COL4A4: variants seen among roughly 807,000 people sequenced by gnomAD.
The protein encoded by COL4A4 is collagen alpha-4(IV) chain.
A neutral mutation model predicts 192.9 loss-of-function variants in COL4A4; 105 were observed. The observed-to-expected ratio is 0.54, with a 90% CI of 0.46 to 0.64. The LOEUF is 0.64. Ranked by LOEUF, COL4A4 falls within the 30% of genes least tolerant of loss-of-function variation. The pLI, the probability that COL4A4 is intolerant of heterozygous loss-of-function variation, is 0.00. For missense variants in COL4A4, 1,967 were observed against 2,169.3 expected, an observed-to-expected ratio of 0.91 and a Z score of 1.85; for synonymous variants, 762 against 769.9, an observed-to-expected ratio of 0.99 and a Z score of 0.17.
chr2:227,033,884 C>T (rs1439377137), intron 37 of COL4A4, among the ~76,000 whole-genome samples: 6 of 119,718 alleles, frequency 5.0e-5, no homozygotes, highest in African/African-American at 7.4e-5. Context: ...GGGGTCACTG[C>T]ACCCTCCTAG....
At chr2:227,013,931 G>A (rs1239197668) in intron 44 of COL4A4, among the ~76,000 whole-genome samples, 6 of 151,978 alleles carry the variant, frequency 3.9e-5, no homozygotes, top group East Asian at 1.9e-4. Context: ...TAACACAGAC[G>A]CTGACCGAAA....
intron 41 of COL4A4, among the ~76,000 whole-genome samples, chr2:227,028,662 A>C (rs927172670): frequency 3.4e-5 from 5 of 147,790 alleles, no homozygotes; most frequent in African/African-American, 1.2e-4. Context: ...TATTATTATT[A>C]TTATTATTAT....
At chr2:226,986,948 C>A in the COL4A4 span, among the ~76,000 whole-genome samples, 1 of 152,142 alleles carries the variant, frequency 6.6e-6, no homozygotes, top group Admixed American at 6.5e-5. Flanking sequence ...CAGTGATCGA[C>A]TGGATAAAGA....
chr2:227,109,392 C>T, intron 9 of COL4A4, 106 bp from the exon 10 acceptor site: 3 of 932,526 alleles, frequency 3.2e-6, no homozygotes, highest in Non-Finnish European at 5.3e-6. Context: ...AAAGAAATCA[C>T]AGCCACCAGC....
At chr2:227,079,889 T>G (rs1478629636) in intron 24 of COL4A4, among the ~76,000 whole-genome samples, 1 of 152,154 alleles carries the variant, frequency 6.6e-6, no homozygotes, top group Non-Finnish European at 1.5e-5. Context: ...ATCCTCTTCT[T>G]TTATGACCTT....
chr2:227,009,600 A>G (rs1392977025), intron 46 of COL4A4, among the ~76,000 whole-genome samples: 3 of 151,966 alleles, frequency 2.0e-5, no homozygotes, highest in Non-Finnish European at 4.4e-5. Flanking sequence ...CAGGAGGCTG[A>G]GGCAGGAGAA....
chr2:227,000,135 A>C (rs1223612838), downstream of COL4A4, among the ~76,000 whole-genome samples: 1 of 152,248 alleles, frequency 6.6e-6, no homozygotes, highest in Non-Finnish European at 1.5e-5. Flanking sequence ...GCAGATAATT[A>C]TTAATGGAAT....
intron 7 of COL4A4, among the ~76,000 whole-genome samples, chr2:227,116,995 A>G (rs931759070): frequency 3.9e-5 from 6 of 152,260 alleles, no homozygotes; most frequent in Non-Finnish European, 8.8e-5. Flanking sequence ...AAATTACAGT[A>G]TATTAAAGAA....
At chr2:226,976,347 CCCAAGT>C in the COL4A4 span, among the ~76,000 whole-genome samples, 1 of 150,452 alleles carries the variant, frequency 6.6e-6, no homozygotes, top group Non-Finnish European at 1.5e-5. Flanking sequence ...TCAGTGACTT[CCCAAGT>C]CCAAGTCGAG....
chr2:226,988,263 C>T, the COL4A4 span: 39 of 1,447,812 alleles, frequency 2.7e-5, no homozygotes, highest in Non-Finnish European at 3.5e-5. Context: ...TATCAGGGCC[C>T]TGAGGAGGCC....
At chr2:227,028,525 C>G (rs1314353227) in intron 41 of COL4A4, among the ~76,000 whole-genome samples, 1 of 152,136 alleles carries the variant, frequency 6.6e-6, no homozygotes, top group Non-Finnish European at 1.5e-5. Flanking sequence ...GGAATCCCAA[C>G]TGAAGTTTAG....
chr2:226,975,151 A>G, the COL4A4 span, among the ~76,000 whole-genome samples: 6 of 152,306 alleles, frequency 3.9e-5, no homozygotes, highest in Admixed American at 2.6e-4. Flanking sequence ...GGGCCTCCCA[A>G]GATTTAATAT....
At chr2:227,136,188 C>T (rs1441279339) in intron 4 of COL4A4, among the ~76,000 whole-genome samples, 1 of 152,166 alleles carries the variant, frequency 6.6e-6, no homozygotes, top group African/African-American at 2.4e-5. Context: ...CACATTCACT[C>T]TCAAATCCAG....
chr2:227,093,772 C>A (rs556547509), intron 20 of COL4A4, among the ~76,000 whole-genome samples: 1 of 152,044 alleles, frequency 6.6e-6, no homozygotes, highest in Admixed American at 6.6e-5. Flanking sequence ...TATTGCAATT[C>A]CCCTGTCTCG....
At chr2:227,047,910 T>C (rs1207480988) in intron 34 of COL4A4, among the ~76,000 whole-genome samples, 3 of 152,162 alleles carry the variant, frequency 2.0e-5, no homozygotes, top group Non-Finnish European at 4.4e-5. Flanking sequence ...GAAACCAAAA[T>C]CAAAAATTGT....
intron 37 of COL4A4, among the ~76,000 whole-genome samples, chr2:227,035,134 C>A (rs1969350007): frequency 1.3e-5 from 2 of 152,092 alleles, no homozygotes; most frequent in Admixed American, 1.3e-4. Flanking sequence ...GTCTCCCCTG[C>A]TCAAGGGTAA....
intron 11 of COL4A4, 24 bp downstream of exon 11, chr2:227,108,809 T>C (rs1226328974): frequency 1.6e-5 from 26 of 1,609,850 alleles, no homozygotes; most frequent in Non-Finnish European, 2.2e-5. Context: ...GCTCTATTGA[T>C]GTATCTTGCT....
At chr2:227,066,113 C>G (rs567191534) in intron 25 of COL4A4, among the ~76,000 whole-genome samples, 498 of 152,218 alleles carry the variant, frequency 3.3e-3, no homozygotes, top group Non-Finnish European at 5.5e-3. Context: ...TCAACTGGAA[C>G]AAAGGGTATC....
downstream of COL4A4, among the ~76,000 whole-genome samples, chr2:227,000,646 A>C (rs973236780): frequency 2.0e-5 from 3 of 152,156 alleles, no homozygotes; most frequent in African/African-American, 7.2e-5. Context: ...AAGGGCCTTC[A>C]GATCCTCCTT....
Sources: gnomAD v4.1 joint callset for allele counts (sites outside exome capture counted in the v4.1 genomes callset) on GRCh38, gnomAD v4.1.1 for gene constraint, MANE v1.5 for transcripts, NCBI Gene and HGNC (gene_info 2026-07-23, HGNC 2026-07-21) for gene names.